SLC19A2: variants seen among roughly 807,000 people sequenced by gnomAD.
The protein encoded by SLC19A2 is solute carrier family 19 member 2.
A neutral mutation model predicts 44.7 loss-of-function variants in SLC19A2; 27 were observed. The ratio of observed to expected loss-of-function variants is 0.60; its 90% confidence interval spans 0.45 to 0.83. The LOEUF (loss-of-function observed/expected upper bound fraction) is 0.83, where lower values mean the gene tolerates loss of function less well. SLC19A2 is among the 40% of genes least tolerant of loss of function. The probability of loss-of-function intolerance (pLI) is 0.00; values close to 1 mark genes in which losing one functional copy is unlikely to be tolerated. For synonymous variants in SLC19A2, 239 were observed against 243.6 expected, an observed-to-expected ratio of 0.98 and a Z score of 0.18; for missense variants, 566 against 613.7, an observed-to-expected ratio of 0.92 and a Z score of 0.82.
At chr1:169,466,057 C>T in intron 5 of SLC19A2, 80 bp from the exon 6 acceptor site, 3 of 1,551,460 alleles carry the variant, frequency 1.9e-6, no homozygotes, top group Non-Finnish European at 2.6e-6. Flanking sequence ...AGAATTTGTC[C>T]ATAAAGCCTC....
chr1:169,478,523 A>ATT lies in SLC19A2; in HGVS notation c.205-768_205-767dup, dbSNP rs35141285. ...AGGCCTGTACTACCACAACCAGCTA[A>ATT]TTTTTTTTTTTTTTTTTTTTTTTTT... On this transcript the variant is annotated intron_variant, in intron 1 of 5. Coordinates refer to ENST00000236137, the MANE Select transcript of SLC19A2 (RefSeq NM_006996.3). 4.5e-3 allele frequency among the ~76,000 whole-genome samples: 298 copies of ATT among 66,640 alleles called. 16 individuals carry two copies. Among genetic ancestry groups the ATT allele is most frequent in the African/African-American group, 9.1e-3 (140 of 15,318 alleles). The allele number at this position is 66,640 out of a possible 152,430, so 43.7% of individuals were successfully genotyped here.
rs922560682 is a variant in SLC19A2, at chr1:169,476,123, C to CA, written c.807+1031dup. On this transcript the variant is annotated intron_variant, in intron 2 of 5. Transcript: ENST00000236137. The stretch of plus-strand genomic sequence containing the variant: ...CTCACAGCTTATAACCTAATAGAAA[C>CA]AAAAAAAACACTTGAATATTTAAAA... Among the ~76,000 whole-genome samples, 13 of 142,566 alleles carry CA rather than the reference C, an allele frequency of 9.1e-5. No homozygotes were observed. The East Asian group carries it at 1.2e-3, about 13-fold the overall frequency. The allele number at this position is 142,566 out of a possible 152,430, so 93.5% of individuals were successfully genotyped here. A position where few individuals can be genotyped will look rare whatever the true frequency, so the allele number is the denominator to read the frequency against.
chr1:169,476,944 C>T (rs534725933), intron 2 of SLC19A2, among the ~76,000 whole-genome samples: 6 of 152,128 alleles, frequency 3.9e-5, no homozygotes, highest in African/African-American at 1.2e-4. Flanking sequence ...GGAGGTCACG[C>T]ACTCCAGGAA....
intron 2 of SLC19A2, among the ~76,000 whole-genome samples, chr1:169,471,497 A>G (rs1302311045): frequency 1.5e-5 from 2 of 136,724 alleles, no homozygotes. Flanking sequence ...ACACACACAC[A>G]CACACACACA....
rs1329091759 is a variant in SLC19A2 at position 169,467,937 on chromosome 1, C to A, written c.1365+174G>T. On this transcript the variant is annotated intron_variant, in intron 5 of 5. Coordinates refer to ENST00000236137, the MANE Select transcript of SLC19A2 (RefSeq NM_006996.3). ...AGACCTGACAATCCCAACACCCTCC[C>A]AGGAGAAAAGAACTAAGGATAGGGG... Among the ~76,000 whole-genome samples, 3 of 152,322 alleles carry A rather than the reference C, an allele frequency of 2.0e-5. No homozygotes were observed. The East Asian group carries it at 5.8e-4, about 29-fold the overall frequency.
At chr1:169,479,512 T>C (rs796196463) in intron 1 of SLC19A2, among the ~76,000 whole-genome samples, 9 of 152,308 alleles carry the variant, frequency 5.9e-5, no homozygotes, top group African/African-American at 2.2e-4. Context: ...CCATTATCAG[T>C]AAAGGGCGGT....
At chr1:169,473,333 A>G (rs1658235358) in intron 2 of SLC19A2, among the ~76,000 whole-genome samples, 1 of 151,884 alleles carries the variant, frequency 6.6e-6, no homozygotes, top group Non-Finnish European at 1.5e-5. Context: ...CTCCCGGGTT[A>G]AAGCAACTCT....
chr1:169,469,922 T>A, intron 3 of SLC19A2, 42 bp downstream of exon 3: 1 of 1,557,562 alleles, frequency 6.4e-7, no homozygotes. Context: ...ACCAGAGGAA[T>A]CCCTCCCCCA....
chr1:169,485,525 C>G, intron 1 of SLC19A2, 38 bp downstream of exon 1: 1 of 1,554,270 alleles, frequency 6.4e-7, no homozygotes, highest in Non-Finnish European at 8.7e-7. Flanking sequence ...GCAGGCCGGT[C>G]GCCCGCCCTT....
chr1:169,482,213 A>T (rs1438347028), intron 1 of SLC19A2, among the ~76,000 whole-genome samples: 15 of 148,816 alleles, frequency 1.0e-4, no homozygotes, highest in African/African-American at 3.0e-4. Flanking sequence ...AAAAATAAAA[A>T]TTAAAATTAA....
At chr1:169,481,689 G>A (rs1412108863) in intron 1 of SLC19A2, among the ~76,000 whole-genome samples, 1 of 152,168 alleles carries the variant, frequency 6.6e-6, no homozygotes, top group African/African-American at 2.4e-5. Context: ...TCTGCTATGT[G>A]AGCAACGGGA....
intron 2 of SLC19A2, among the ~76,000 whole-genome samples, chr1:169,471,778 C>A (rs978705069): frequency 1.3e-5 from 2 of 150,344 alleles, no homozygotes; most frequent in Non-Finnish European, 3.0e-5. Context: ...TAACAGTGAC[C>A]ATCAACATTA....
At chr1:169,473,588 C>A (rs751174181) in intron 2 of SLC19A2, among the ~76,000 whole-genome samples, 1 of 151,794 alleles carries the variant, frequency 6.6e-6, no homozygotes, top group Non-Finnish European at 1.5e-5. Context: ...TGTGCCTTTG[C>A]GCAAGTCAGT....
Position 169,468,062 on chromosome 1 carries a change from C to T in SLC19A2, c.1365+49G>A, listed in dbSNP as rs116659379. On this transcript the variant is annotated intron_variant, in intron 5 of 5. Coordinates refer to ENST00000236137, the MANE Select transcript of SLC19A2 (RefSeq NM_006996.3). ...TTAAGCATACATATACTTCTGTCACCCTGATCAAGTCACACATACTACCTT... is the reference window on the plus strand; with the variant it reads ...TTAAGCATACATATACTTCTGTCACTCTGATCAAGTCACACATACTACCTT... 2,352 of 1,600,264 alleles carry T rather than the reference C, an allele frequency of 1.5e-3. 6 individuals are homozygous for T. Among genetic ancestry groups the T allele is most frequent in the Middle Eastern group, 4.8e-3 (29 of 6,030 alleles).
intron 1 of SLC19A2, among the ~76,000 whole-genome samples, chr1:169,482,780 C>T (rs1439816087): frequency 6.6e-6 from 1 of 152,034 alleles, no homozygotes; most frequent in Non-Finnish European, 1.5e-5. Context: ...ATATGCTGGA[C>T]TTAAGACTAT....
In SLC19A2 at chr1:169,477,317, G is replaced by A; in HGVS notation, c.645C>T (p.Leu215=). ...AWFLPMPQKS[L]FFHHIPSTCQ... ...AGGTAGAAGGAATGTGGTGAAAGAA[G>A]AGGCTCTTCTGTGGCATAGGTAAAA... Residue 215 remains leucine, a synonymous_variant, in exon 2 of 6, where the codon CTC becomes CTT. Coordinates refer to ENST00000236137, the MANE Select transcript of SLC19A2 (RefSeq NM_006996.3). 1 of 1,614,150 alleles carries A rather than the reference G, an allele frequency of 6.2e-7. No individual in the cohort carries two copies. The highest frequency in any genetic ancestry group is 8.5e-7 in the Non-Finnish European group (1 of 1,180,036).
In SLC19A2 at chr1:169,477,595, C is replaced by G; in HGVS notation, c.367G>C (p.Ala123Pro). The G allele has an allele frequency of 6.2e-7, 1 of 1,614,040 alleles. No individual in the cohort carries two copies. Among genetic ancestry groups the G allele is most frequent in the Non-Finnish European group, 8.5e-7 (1 of 1,180,006 alleles). Residue 123 changes from alanine to proline, a missense_variant, in exon 2 of 6, where the codon GCC becomes CCC. By Grantham distance (27) the Ala-to-Pro change is conservative (BLOSUM62 -1). Coordinates refer to ENST00000236137, the MANE Select transcript of SLC19A2 (RefSeq NM_006996.3). ...TAAAAAAATTCTAGAAATTGAATGG[C>G]CAGCAGTCCCTGGGCATAGAGCAGC... ...FMLLYAQGLLAIQFLEFFYGI... is the reference protein window; with the variant it reads ...FMLLYAQGLLPIQFLEFFYGI...
Position 169,468,264 on chromosome 1 carries a change from A to G in SLC19A2, c.1224-12T>C. 6.2e-7 allele frequency: 1 copy of G among 1,607,634 alleles called. No individual in the cohort carries two copies. ...CAGCAATTTGAAAACTTAAAAAAAA[A>G]TAAAAGAGTGAATAAATAAGAATTA... On this transcript the variant is annotated splice_polypyrimidine_tract_variant and intron_variant, in intron 4 of 5. Transcript: ENST00000236137.
Position 169,485,744 on chromosome 1 carries a change from G to A in SLC19A2, c.23C>T (p.Ser8Phe). The A allele has an allele frequency of 6.5e-7, 1 of 1,535,986 alleles. No homozygotes were observed. The highest frequency in any genetic ancestry group is 8.7e-7 in the Non-Finnish European group (1 of 1,145,182). ...GGCCGCCGCCGCCGCCGCCCGCCGA[G>A]ACACCGGGCCGGGCACATCCATCCG... Reference protein sequence around the residue: MDVPGPVSRRAAAAAATV... With the variant: MDVPGPVFRRAAAAAATV... Residue 8 changes from serine (S) to phenylalanine (F), a missense_variant, in exon 1 of 6, where the codon TCT (serine) becomes TTT (phenylalanine). Transcript: ENST00000236137.
Sources: allele counts gnomAD v4.1 joint callset (sites outside exome capture counted in the v4.1 genomes callset), GRCh38; gene constraint gnomAD v4.1.1; transcripts MANE v1.5; gene names NCBI Gene and HGNC (gene_info 2026-07-23, HGNC 2026-07-21).